The following MROH2B variants were observed in gnomAD, a reference collection of about 807,000 sequenced individuals.
MROH2B encodes maestro heat-like repeat-containing protein family member 2B.
A neutral mutation model predicts 208.6 loss-of-function variants in MROH2B; 177 were observed. The observed-to-expected ratio is 0.85, with a 90% CI of 0.75 to 0.96. MROH2B has a LOEUF of 0.96. Among genes scored for constraint, MROH2B ranks in the 40% least tolerant of loss-of-function variants. MROH2B has a pLI of 0.00. For synonymous variants in MROH2B, 728 were observed against 659.0 expected (o/e 1.10, Z -1.60); for missense variants, 2,002 against 1,878.7 (o/e 1.07, Z -1.21).
intron 2 of MROH2B, among the ~76,000 whole-genome samples, chr5:41,068,410 T>G (rs1743877021): frequency 2.0e-5 from 3 of 152,188 alleles, no homozygotes; most frequent in African/African-American, 7.2e-5. Context: ...TGTGCCAGAC[T>G]CATTATCTGG....
chr5:41,045,046 A>C (rs546101440), intron 18 of MROH2B, among the ~76,000 whole-genome samples: 1 of 152,320 alleles, frequency 6.6e-6, no homozygotes, highest in African/African-American at 2.4e-5. Flanking sequence ...CACTAGTAGT[A>C]ATAAGGGGAA....
At chr5:41,012,503 A>T in intron 30 of MROH2B, 80 bp downstream of exon 30, 1 of 1,467,440 alleles carries the variant, frequency 6.8e-7, no homozygotes. Flanking sequence ...CCATCAGTGG[A>T]CAAACAGAGA....
In MROH2B at chr5:41,051,373, T is replaced by C. The variant is rs118159634; in HGVS notation, c.1231-283A>G. 522 of 234,970 alleles carry C rather than the reference T, an allele frequency of 2.2e-3. 15 individuals carry two copies. In the East Asian group the frequency reaches 0.041, roughly 19 times the overall value. 14.6% of individuals were successfully genotyped at this position (234,970 alleles called of 1,614,324 possible). A position where few individuals can be genotyped will look rare whatever the true frequency, so the allele number is the denominator to read the frequency against. On this transcript the variant is annotated intron_variant, in intron 12 of 41. Transcript: ENST00000399564. ...CTCTCTTTCTCAGGCCTTTGCCATT[T>C]TCTTCAGGGCAAATTTTTCAAAGCA...
chr5:41,054,900 G>T, intron 10 of MROH2B, 60 bp from the exon 11 acceptor site: 3 of 1,210,488 alleles, frequency 2.5e-6, no homozygotes, highest in Non-Finnish European at 3.5e-6. Flanking sequence ...TATGTTCTAG[G>T]ATTGATGAAA....
chr5:41,032,910 C>T (rs1183707491), intron 23 of MROH2B, 89 bp from the exon 24 acceptor site: 28 of 1,549,586 alleles, frequency 1.8e-5, no homozygotes, highest in Non-Finnish European at 6.1e-6. Flanking sequence ...CATTGGGTGC[C>T]CTGGGTCATA....
At position 41,025,990 on chromosome 5, in the gene MROH2B, CT is replaced by C. The variant is rs766573752; in HGVS notation, c.2441+6751del. On this transcript the variant is annotated intron_variant, in intron 24 of 41. Coordinates refer to ENST00000399564, the MANE Select transcript of MROH2B (RefSeq NM_173489.5). Reference sequence around the variant, plus strand: ...GGCCTTTGACAAAATTCAACAGCCCCTCATGCTAAAAACTCTCAATAAACTA... The same window carrying C: ...GGCCTTTGACAAAATTCAACAGCCCCCATGCTAAAAACTCTCAATAAACTA... Among the ~76,000 whole-genome samples, 183 of 152,160 alleles carry C rather than the reference CT, an allele frequency of 1.2e-3. 1 individual carries two copies. Among genetic ancestry groups the C allele is most frequent in the Admixed American group, 3.3e-3 (50 of 15,280 alleles).
chr5:41,038,926 G>C, intron 20 of MROH2B, 38 bp from the exon 21 acceptor site: 1 of 1,561,876 alleles, frequency 6.4e-7, no homozygotes, highest in Non-Finnish European at 8.7e-7. Flanking sequence ...AAATGTGACT[G>C]AAGGAGTTCT....
At position 41,070,837 on chromosome 5, in the gene MROH2B, C is replaced by T; in HGVS notation, c.16G>A (p.Glu6Lys). The part of the protein sequence containing the change: MTLST[E>K]ESIEMFGDIN... ...TGATGATGCTTACCTATGGATTCCTCTGTACTAAGTGTCATGTCTTGGCTG... is the reference window on the plus strand; with the variant it reads ...TGATGATGCTTACCTATGGATTCCTTTGTACTAAGTGTCATGTCTTGGCTG... Residue 6 changes from glutamate to lysine, a missense_variant, in exon 1 of 42, where the codon GAG (glutamate) becomes AAG (lysine). Transcript: ENST00000399564. The T allele has an allele frequency of 6.2e-6, 10 of 1,611,188 alleles. No individual in the cohort carries two copies. The highest frequency in any genetic ancestry group is 8.5e-6 in the Non-Finnish European group (10 of 1,178,598).
At chr5:41,032,985 G>A in intron 23 of MROH2B, 56 bp downstream of exon 23, 3 of 1,605,820 alleles carry the variant, frequency 1.9e-6, no homozygotes, top group Non-Finnish European at 2.6e-6. Flanking sequence ...AGATAGCCCT[G>A]AACTCTTGGT....
At chr5:41,049,990 T>G (rs1418033023) in intron 13 of MROH2B, among the ~76,000 whole-genome samples, 1 of 152,200 alleles carries the variant, frequency 6.6e-6, no homozygotes, top group African/African-American at 2.4e-5. Flanking sequence ...AACCTTGGTG[T>G]CAACTTGTAC....
intron 24 of MROH2B, among the ~76,000 whole-genome samples, chr5:41,024,759 T>C (rs1742289685): frequency 6.6e-6 from 1 of 152,188 alleles, no homozygotes; most frequent in Non-Finnish European, 1.5e-5. Flanking sequence ...GTCACACTTA[T>C]TCCAAAATTG....
chr5:41,057,411 G>A, intron 7 of MROH2B, 51 bp from the exon 8 acceptor site: 2 of 1,369,894 alleles, frequency 1.5e-6, no homozygotes, highest in South Asian at 1.3e-5. Context: ...GGAAGCAGCT[G>A]CACAGGATGT....
chr5:41,009,078 T>G (rs1383795384), intron 32 of MROH2B, among the ~76,000 whole-genome samples: 1 of 152,128 alleles, frequency 6.6e-6, no homozygotes, highest in Non-Finnish European at 1.5e-5. Flanking sequence ...ACATAGGTTT[T>G]TTGGGGGGTT....
Position 41,061,615 on chromosome 5 carries a change from G to A in MROH2B, c.570C>T (p.Phe190=). 1 of 1,613,870 alleles carries A rather than the reference G, an allele frequency of 6.2e-7. No homozygotes were observed. Among genetic ancestry groups the A allele is most frequent in the Non-Finnish European group, 8.5e-7 (1 of 1,179,812 alleles). ...NRLSDKIFML[F]WYIMEKWAPL... ...GGGCCCACTTCTCCATTATATACCA[G>A]AACAGCATGAAGATCTTGTCAGACA... Residue 190 remains phenylalanine, a synonymous_variant, in exon 6 of 42, where the codon TTC becomes TTT. Transcript: ENST00000399564.
intron 9 of MROH2B, 150 bp from the exon 10 acceptor site, chr5:41,056,005 C>G: frequency 1.6e-6 from 1 of 633,668 alleles, no homozygotes. Context: ...TCTTCAGTAT[C>G]ACAGAATTAA....
chr5:41,060,056 G>A (rs566232348), intron 6 of MROH2B, among the ~76,000 whole-genome samples: 96 of 152,110 alleles, frequency 6.3e-4, no homozygotes, highest in African/African-American at 2.2e-3. Context: ...ATTCCTCCTC[G>A]TTTAAATTGA....
chr5:41,020,658 C>T (rs1301927452), intron 24 of MROH2B, among the ~76,000 whole-genome samples: 1 of 151,452 alleles, frequency 6.6e-6, no homozygotes, highest in Non-Finnish European at 1.5e-5. Context: ...TTTTTTTTGC[C>T]CAAAGGTGTT....
In MROH2B at chr5:41,000,737, T is replaced by C. The variant is rs377438898; in HGVS notation, c.4291A>G (p.Lys1431Glu). 2.5e-6 allele frequency: 4 copies of C among 1,612,040 alleles called. No homozygotes were observed. In the African/African-American group the frequency reaches 5.3e-5, roughly 22 times the overall value. Residue 1431 changes from lysine (K) to glutamate (E), a missense_variant, in exon 38 of 42, where the codon AAA becomes GAA. By Grantham distance (56) the Lys-to-Glu change is moderately conservative. Coordinates refer to ENST00000399564, the MANE Select transcript of MROH2B (RefSeq NM_173489.5). ...AGAAGGAATGAAATCAGGCTCTTTT[T>C]TATTTCTTCAGCAAAAAAAATCTTC... ...RWKIFFAEEI[K>E]KSLISFLLHL...
chr5:41,062,673 C>T (rs1743678212), intron 5 of MROH2B, among the ~76,000 whole-genome samples: 1 of 152,156 alleles, frequency 6.6e-6, no homozygotes, highest in South Asian at 2.1e-4. Flanking sequence ...GTCCATTCTT[C>T]AGGGACTCCT....
Sources: allele counts gnomAD v4.1 joint callset (sites outside exome capture counted in the v4.1 genomes callset), GRCh38; gene constraint gnomAD v4.1.1; transcripts MANE v1.5; gene names NCBI Gene and HGNC (gene_info 2026-07-23, HGNC 2026-07-21).